The following ITGAD variants were observed in gnomAD, a reference collection of about 807,000 sequenced individuals.
The protein encoded by ITGAD is integrin subunit alpha D.
Under a neutral mutation model 139.0 loss-of-function variants are expected in ITGAD, and 105 were observed. That is an observed-to-expected ratio of 0.76 (90% confidence interval 0.65 to 0.89). The LOEUF (loss-of-function observed/expected upper bound fraction) is 0.89, where lower values mean the gene tolerates loss of function less well. Among genes scored for constraint, ITGAD ranks in the 40% least tolerant of loss-of-function variants. ITGAD has a pLI of 0.00. For missense variants in ITGAD, 1,384 were observed against 1,487.3 expected (o/e 0.93, Z 1.14); for synonymous variants, 569 against 598.3 (o/e 0.95, Z 0.71).
chr16:31,419,826 A>G (rs1175376269), intron 23 of ITGAD, among the ~76,000 whole-genome samples: 3 of 151,648 alleles, frequency 2.0e-5, no homozygotes, highest in Admixed American at 6.6e-5. Flanking sequence ...AAAAAAAAAA[A>G]AAAAAGAAAA....
chr16:31,396,177 A>G (rs1336137425), intron 2 of ITGAD, among the ~76,000 whole-genome samples: 2 of 152,190 alleles, frequency 1.3e-5, no homozygotes, highest in Non-Finnish European at 2.9e-5. Flanking sequence ...ACATTTTAAA[A>G]AAAGAATACA....
intron 5 of ITGAD, among the ~76,000 whole-genome samples, chr16:31,401,349 C>T (rs548390478): frequency 9.9e-5 from 15 of 152,182 alleles, no homozygotes; most frequent in South Asian, 6.2e-4. Context: ...AACCAGTCAT[C>T]GGTAAAGGTT....
intron 14 of ITGAD, 55 bp from the exon 15 acceptor site, chr16:31,412,783 T>C: frequency 6.2e-7 from 1 of 1,609,396 alleles, no homozygotes; most frequent in Non-Finnish European, 8.5e-7. Context: ...TGTTACTTAT[T>C]TCCAACTTCT....
At chr16:31,421,079 G>A (rs1264649027) in intron 23 of ITGAD, among the ~76,000 whole-genome samples, 1 of 152,156 alleles carries the variant, frequency 6.6e-6, no homozygotes, top group Non-Finnish European at 1.5e-5. Flanking sequence ...ACCATCTTAA[G>A]TACTTTATAT....
In ITGAD at chr16:31,402,131, G is replaced by A; in HGVS notation, c.444G>A (p.Glu148=). ...PDATPECPHQ[E]MDIVFLIDGS... is the part of the protein sequence containing the mutation. ...CCCCCACAGAGTGTCCACATCAAGA[G>A]ATGGACATCGTCTTCCTGATTGACG... The change falls in exon 6 of 30, where the codon GAG becomes GAA. Residue 148 remains glutamate (E), a synonymous_variant. Coordinates refer to ENST00000389202, the MANE Select transcript of ITGAD (RefSeq NM_005353.3). 6.2e-7 allele frequency: 1 copy of A among 1,613,922 alleles called. No individual in the cohort carries two copies. Among genetic ancestry groups the A allele is most frequent in the South Asian group, 1.1e-5 (1 of 91,074 alleles).
rs549013331 is a variant in ITGAD, at chr16:31,418,656, C to T, written c.2780+92C>T. 10 of 928,398 alleles carry T rather than the reference C, an allele frequency of 1.1e-5. No individual in the cohort carries two copies. In the South Asian group the frequency reaches 1.3e-4, roughly 12 times the overall value. The allele number at this position is 928,398 out of a possible 1,614,324, so 57.5% of individuals were successfully genotyped here. ...CCCAGCCTGCTCTTCCAATGATGCA[C>T]ATCTAAGCTCTCCTGTTTTGGGATG... On this transcript the variant is annotated intron_variant, in intron 23 of 29. Coordinates refer to ENST00000389202, the MANE Select transcript of ITGAD (RefSeq NM_005353.3).
chr16:31,415,995 T>C (rs1198801083), intron 18 of ITGAD, among the ~76,000 whole-genome samples: 1 of 152,256 alleles, frequency 6.6e-6, no homozygotes, highest in African/African-American at 2.4e-5. Flanking sequence ...AAGCTGGATG[T>C]AACTCAACTG....
At chr16:31,418,446 A>T in intron 22 of ITGAD, 35 bp from the exon 23 acceptor site, 230 of 1,266,998 alleles carry the variant, frequency 1.8e-4, no homozygotes, top group Non-Finnish European at 2.4e-4. Context: ...CCTCTCCTGG[A>T]TTCCTTCCCA....
At chr16:31,399,883 T>C (rs1447751781) in intron 5 of ITGAD, among the ~76,000 whole-genome samples, 1 of 151,886 alleles carries the variant, frequency 6.6e-6, no homozygotes, top group Non-Finnish European at 1.5e-5. Context: ...CCATTCTCAT[T>C]TTACAGATAT....
chr16:31,406,440 G>A (rs1364108719), intron 7 of ITGAD, among the ~76,000 whole-genome samples: 1 of 152,184 alleles, frequency 6.6e-6, no homozygotes, highest in African/African-American at 2.4e-5. Flanking sequence ...GCCATTCACT[G>A]TAAAAGCTTG....
chr16:31,411,252 C>T (rs755754508), intron 13 of ITGAD, 36 bp downstream of exon 13: 67 of 1,609,388 alleles, frequency 4.2e-5, no homozygotes, highest in Admixed American at 2.2e-4. Context: ...GGGTGGGGTC[C>T]GGTGTGAGTG....
chr16:31,407,762 G>A lies in ITGAD; in HGVS notation c.859-4G>A. On this transcript the variant is annotated splice_region_variant and splice_polypyrimidine_tract_variant and intron_variant, in intron 8 of 29. Transcript: ENST00000389202. The stretch of plus-strand genomic sequence containing the variant: ...CATCCTCCTCGGCTGTCTCTCTGCT[G>A]CAGGTGGGACACGCTTTCCAGGGAC... 4.3e-6 allele frequency: 7 copies of A among 1,613,902 alleles called. No homozygotes were observed. Among genetic ancestry groups the A allele is most frequent in the Middle Eastern group, 1.7e-4 (1 of 6,058 alleles).
At chr16:31,423,482 T>C (rs1360083733) in intron 25 of ITGAD, 23 bp downstream of exon 25, 2 of 1,609,016 alleles carry the variant, frequency 1.2e-6, no homozygotes, top group Non-Finnish European at 1.7e-6. Context: ...CTCTCCTCTT[T>C]CTTCAGACTG....
chr16:31,394,352 C>A lies in ITGAD; in HGVS notation c.137+11C>A. 1.3e-6 allele frequency: 2 copies of A among 1,596,180 alleles called. No homozygotes were observed. The highest frequency in any genetic ancestry group is 1.7e-6 in the Non-Finnish European group (2 of 1,164,308). On this transcript the variant is annotated intron_variant, in intron 2 of 29. Transcript: ENST00000389202. ...GTTCGGTGGATCTCGGTAGGCCCCA[C>A]TCACCCTCCTTCCCCAACCTCCACT...
chr16:31,411,008 G>A (rs1374905790), intron 12 of ITGAD, 68 bp from the exon 13 acceptor site: 2 of 1,602,664 alleles, frequency 1.2e-6, no homozygotes, highest in Non-Finnish European at 1.7e-6. Flanking sequence ...CTGGGGAGAG[G>A]CGGGACCCTG....
At chr16:31,416,156 G>A in intron 18 of ITGAD, 57 bp from the exon 19 acceptor site, 2 of 1,402,668 alleles carry the variant, frequency 1.4e-6, no homozygotes, top group Non-Finnish European at 2.0e-6. Context: ...TTCTAAGGAG[G>A]GGCTTGGAGA....
At position 31,426,263 on chromosome 16, in the gene ITGAD, G is replaced by A. The variant is rs1210363454; in HGVS notation, c.*135G>A. 3.2e-6 allele frequency: 2 copies of A among 620,968 alleles called. No homozygotes were observed. Among genetic ancestry groups the A allele is most frequent in the South Asian group, 1.9e-5 (1 of 52,588 alleles). 38.5% of individuals were successfully genotyped at this position (620,968 alleles called of 1,614,324 possible). On this transcript the variant is annotated 3_prime_UTR_variant, in exon 30 of 30. Transcript: ENST00000389202. ...CTACCAGGTGCTAAGCACCTTCTCG[G>A]AGAGATAGAGATTGTAATGTTTTTA... is the stretch of plus-strand genomic sequence containing the variant.
In ITGAD at chr16:31,418,369, C is replaced by T; in HGVS notation, c.2685C>T (p.Ala895=). Residue 895 remains alanine (A), a synonymous_variant, in exon 22 of 30, where the codon GCC becomes GCT. Transcript: ENST00000389202. ...ATLGDRMLMR[A]SASSENNKAS... The stretch of plus-strand genomic sequence containing the variant: ...TGGGAGACAGGATGCTTATGAGGGC[C>T]AGTGCAAGCAGGTGGGTCCAGGCCA... The T allele has an allele frequency of 3.1e-6, 5 of 1,613,988 alleles. No individual in the cohort carries two copies. Among genetic ancestry groups the T allele is most frequent in the Non-Finnish European group, 4.2e-6 (5 of 1,179,932 alleles).
chr16:31,403,691 C>A lies in ITGAD; in HGVS notation c.704+46C>A, dbSNP rs1257545434. 3.1e-6 allele frequency: 5 copies of A among 1,609,578 alleles called. No homozygotes were observed. The highest frequency in any genetic ancestry group is 4.2e-6 in the Non-Finnish European group (5 of 1,176,668). On this transcript the variant is annotated intron_variant, in intron 7 of 29. Coordinates refer to ENST00000389202, the MANE Select transcript of ITGAD (RefSeq NM_005353.3). The surrounding 1 kb of genome is among the most constrained non-coding windows in gnomAD (Gnocchi z 4.4). ...CCTGGCGATGTGACTGCCACCCCCA[C>A]TTCCTAACCCTGGGTCAGCACAGCT...
Sources: allele counts gnomAD v4.1 joint callset (sites outside exome capture counted in the v4.1 genomes callset), GRCh38; gene constraint gnomAD v4.1.1; non-coding constraint Gnocchi (gnomAD v3.1); transcripts MANE v1.5; gene names NCBI Gene and HGNC (gene_info 2026-07-23, HGNC 2026-07-21).